MIR2052HG: variants seen among roughly 807,000 people sequenced by gnomAD.
MIR2052HG encodes the protein MIR2052 host gene.
chr8:74,753,990 A>C (rs1809974703), intron 5 of MIR2052HG, among the ~76,000 whole-genome samples: 1 of 152,230 alleles, frequency 6.6e-6, no homozygotes, highest in Non-Finnish European at 1.5e-5. Flanking sequence ...TAATGGGCTG[A>C]TATCAAAGGG....
At chr8:74,632,767 G>A (rs1808531742) in intron 2 of MIR2052HG, among the ~76,000 whole-genome samples, 1 of 152,122 alleles carries the variant, frequency 6.6e-6, no homozygotes, top group African/African-American at 2.4e-5. Context: ...GGAACTGGAA[G>A]AAATATTATA....
chr8:74,714,698 C>CTTTTTTTT lies in MIR2052HG; in HGVS notation n.371+11028_371+11035dup, dbSNP rs10715580. Among the ~76,000 whole-genome samples the CTTTTTTTT allele has an allele frequency of 3.3e-4, 41 of 124,442 alleles. 1 individual carries two copies. Among genetic ancestry groups the CTTTTTTTT allele is most frequent in the Admixed American group, 3.4e-4 (4 of 11,694 alleles). 81.6% of individuals were successfully genotyped at this position (124,442 alleles called of 152,430 possible). A position where few individuals can be genotyped will look rare whatever the true frequency, so the allele number is the denominator to read the frequency against. On this transcript the variant is annotated intron_variant and non_coding_transcript_variant, in intron 4 of 6. Coordinates refer to ENST00000523442, the Ensembl canonical transcript of MIR2052HG. The stretch of plus-strand genomic sequence containing the variant: ...TCTTTGGGAGACCTCCTTTTTCCTT[C>CTTTTTTTT]TTTTTTTTTTTTTTTTTTTGTTTTT...
rs537555827 is a variant in MIR2052HG at position 74,618,211 on chromosome 8, C to T, written n.216+5271C>T. Among the ~76,000 whole-genome samples the T allele has an allele frequency of 1.1e-4, 16 of 152,324 alleles. No homozygotes were observed. In the South Asian group the frequency reaches 2.7e-3, roughly 26 times the overall value. On this transcript the variant is annotated intron_variant and non_coding_transcript_variant, in intron 2 of 6. Transcript: ENST00000523442. ...TTCTGATCAGCAGGCACTCTTTGAC[C>T]ACTTGATCAAGATTGAACCTGCTCA...
intron 2 of MIR2052HG, among the ~76,000 whole-genome samples, chr8:74,620,229 C>T (rs974473047): frequency 1.8e-4 from 28 of 152,228 alleles, no homozygotes; most frequent in African/African-American, 6.5e-4. Context: ...TACAACCCAT[C>T]CTGGCTGCTT....
chr8:74,634,186 A>G (rs1808553606), intron 2 of MIR2052HG, among the ~76,000 whole-genome samples: 2 of 152,208 alleles, frequency 1.3e-5, no homozygotes, highest in African/African-American at 2.4e-5. Context: ...GAATTCAGGA[A>G]CTAGCAATAC....
intron 2 of MIR2052HG, among the ~76,000 whole-genome samples, chr8:74,624,225 G>A (rs1808405393): frequency 6.6e-6 from 1 of 152,244 alleles, no homozygotes; most frequent in Non-Finnish European, 1.5e-5. Flanking sequence ...CAAGGGCCAA[G>A]TGATTCTCTT....
At chr8:74,665,962 T>G (rs1412304577) in intron 2 of MIR2052HG, among the ~76,000 whole-genome samples, 1 of 152,220 alleles carries the variant, frequency 6.6e-6, no homozygotes, top group East Asian at 1.9e-4. Flanking sequence ...ACCATGAGTG[T>G]GAGGCCTCCC....
Position 74,754,708 on chromosome 8 carries a change from GAAAGTT to G in MIR2052HG, n.464+2177_464+2182del, listed in dbSNP as rs566110126. ...GGTCAGGTGCCCTTAGGGCACCCCTGAAAGTTAGACGCAAGGGGAAAGGAAGAGCAG... is the reference window on the plus strand; with the variant it reads ...GGTCAGGTGCCCTTAGGGCACCCCTGAGACGCAAGGGGAAAGGAAGAGCAG... On this transcript the variant is annotated intron_variant and non_coding_transcript_variant, in intron 5 of 6. Coordinates refer to ENST00000523442, the Ensembl canonical transcript of MIR2052HG. Among the ~76,000 whole-genome samples, 273 of 148,054 alleles carry G rather than the reference GAAAGTT, an allele frequency of 1.8e-3. 2 individuals carry two copies. Among genetic ancestry groups the G allele is most frequent in the African/African-American group, 6.9e-3 (259 of 37,764 alleles).
intron 2 of MIR2052HG, among the ~76,000 whole-genome samples, chr8:74,657,010 G>A (rs1808814114): frequency 6.6e-6 from 1 of 152,206 alleles, no homozygotes; most frequent in Non-Finnish European, 1.5e-5. Flanking sequence ...TAGAGGAGGA[G>A]GACATGAGTG....
At chr8:74,673,648 G>A (rs892348741) in intron 2 of MIR2052HG, among the ~76,000 whole-genome samples, 5 of 151,700 alleles carry the variant, frequency 3.3e-5, no homozygotes, top group Non-Finnish European at 7.4e-5. Context: ...TCCTGGTCTT[G>A]GGCTAGAAAA....
chr8:74,652,584 G>C (rs1298508134), intron 2 of MIR2052HG, among the ~76,000 whole-genome samples: 1 of 152,002 alleles, frequency 6.6e-6, no homozygotes, highest in Non-Finnish European at 1.5e-5. Context: ...ATGATTTAAT[G>C]GTTAAATATA....
intron 2 of MIR2052HG, among the ~76,000 whole-genome samples, chr8:74,662,710 A>AAC (rs1808878286): frequency 6.6e-6 from 1 of 152,182 alleles, no homozygotes; most frequent in African/African-American, 2.4e-5. Context: ...TAGGGTGGAA[A>AAC]ACACCTTAAT....
At chr8:74,688,715 A>G (rs183133301) in intron 2 of MIR2052HG, among the ~76,000 whole-genome samples, 11 of 152,214 alleles carry the variant, frequency 7.2e-5, no homozygotes, top group Admixed American at 3.3e-4. Flanking sequence ...TGGTTACATG[A>G]TAAGTTCTTT....
At chr8:74,639,794 C>T (rs1205710065) in intron 2 of MIR2052HG, among the ~76,000 whole-genome samples, 3 of 151,836 alleles carry the variant, frequency 2.0e-5, no homozygotes, top group African/African-American at 7.3e-5. Context: ...TCATTATCTT[C>T]ACAACTTTCA....
intron 5 of MIR2052HG, among the ~76,000 whole-genome samples, chr8:74,753,192 A>C (rs890263866): frequency 2.0e-5 from 3 of 152,188 alleles, no homozygotes; most frequent in African/African-American, 7.2e-5. Flanking sequence ...GTCCCAGATA[A>C]ATGGATTTCT....
chr8:74,694,063 C>T (rs573004285), intron 2 of MIR2052HG, among the ~76,000 whole-genome samples: 1 of 152,296 alleles, frequency 6.6e-6, no homozygotes, highest in South Asian at 2.1e-4. Flanking sequence ...ACAAAACCAA[C>T]ACACTAAACA....
At chr8:74,629,969 GT>G (rs1450172336) in intron 2 of MIR2052HG, among the ~76,000 whole-genome samples, 1 of 152,132 alleles carries the variant, frequency 6.6e-6, no homozygotes, top group Admixed American at 6.6e-5. Context: ...ATAAATGTTT[GT>G]TGAATGGATA....
At chr8:74,600,479 G>A (rs536432763) in intron 1 of MIR2052HG, among the ~76,000 whole-genome samples, 3 of 151,356 alleles carry the variant, frequency 2.0e-5, no homozygotes, top group East Asian at 2.0e-4. Context: ...GCTACTCGGA[G>A]GCTGAGGCAG....
chr8:74,734,201 T>C (rs1480518989), intron 4 of MIR2052HG, among the ~76,000 whole-genome samples: 1 of 152,224 alleles, frequency 6.6e-6, no homozygotes, highest in Admixed American at 6.5e-5. Context: ...GGTTAGATTT[T>C]ATGTTAAGGA....
Sources: gnomAD v4.1 joint callset for allele counts (sites outside exome capture counted in the v4.1 genomes callset) on GRCh38, gnomAD v4.1.1 for gene constraint, MANE v1.5 for transcripts, NCBI Gene and HGNC (gene_info 2026-07-23, HGNC 2026-07-21) for gene names.